LVRN: variants seen among roughly 807,000 people sequenced by gnomAD.
LVRN encodes the protein laeverin.
In LVRN, 99 loss-of-function variants were observed where a neutral mutation model predicts 111.4. The observed-to-expected ratio is 0.89, with a 90% CI of 0.76 to 1.05. The LOEUF (loss-of-function observed/expected upper bound fraction) is 1.05. Among genes scored for constraint, LVRN ranks in the 50% least tolerant of loss-of-function variants. LVRN has a pLI of 0.00. For synonymous variants in LVRN, 488 were observed against 449.5 expected (o/e 1.09, Z -1.08); for missense variants, 1,414 against 1,206.8 (o/e 1.17, Z -2.54).
chr5:116,015,246 T>C lies in LVRN; in HGVS notation c.2451-6T>C. 1.9e-6 allele frequency: 3 copies of C among 1,565,948 alleles called. No individual in the cohort carries two copies. The highest frequency in any genetic ancestry group is 2.6e-6 in the Non-Finnish European group (3 of 1,158,076). On this transcript the variant is annotated splice_polypyrimidine_tract_variant and splice_region_variant and intron_variant, in intron 16 of 19. Coordinates refer to ENST00000357872, the MANE Select transcript of LVRN (RefSeq NM_173800.5). Reference sequence around the variant, plus strand: ...GAAAAATATCATTTTATGTTATATTTTACAGAATACCTTATCCAATTAAAG... The same window carrying C: ...GAAAAATATCATTTTATGTTATATTCTACAGAATACCTTATCCAATTAAAG...
At position 116,014,777 on chromosome 5, in the gene LVRN, G is replaced by A. The variant is rs115409306; in HGVS notation, c.2450+250G>A. 2.0e-3 allele frequency among the ~76,000 whole-genome samples: 310 copies of A among 152,204 alleles called. 2 individuals are homozygous for A. Among genetic ancestry groups the A allele is most frequent in the African/African-American group, 7.3e-3 (302 of 41,550 alleles). ...CATTGCCAAAGCACTCTTCCAATAA[G>A]CACTTACTTTGAGCTGTCTATGCTT... On this transcript the variant is annotated intron_variant, in intron 16 of 19. Coordinates refer to ENST00000357872, the MANE Select transcript of LVRN (RefSeq NM_173800.5).
At chr5:116,018,027 A>G (rs895531552) in intron 18 of LVRN, among the ~76,000 whole-genome samples, 7 of 151,260 alleles carry the variant, frequency 4.6e-5, no homozygotes, top group African/African-American at 1.7e-4. Flanking sequence ...TTGGGAGGCC[A>G]AGGCAGGACG....
chr5:116,022,328 T>C lies in LVRN; in HGVS notation c.2757-63T>C, dbSNP rs1038950216. 5 of 1,185,750 alleles carry C rather than the reference T, an allele frequency of 4.2e-6. No homozygotes were observed. The African/African-American group carries it at 4.6e-5, about 11-fold the overall frequency. The allele number at this position is 1,185,750 out of a possible 1,614,324, so 73.5% of individuals were successfully genotyped here. ...ATACACTTGACCTTCATCTGCTATA[T>C]AAAATATAGCTTTATTTTGCAAAAT... On this transcript the variant is annotated intron_variant, in intron 18 of 19. Transcript: ENST00000357872.
chr5:115,988,071 C>G (rs1482844691), intron 4 of LVRN, 132 bp downstream of exon 4: 1 of 1,232,334 alleles, frequency 8.1e-7, no homozygotes, highest in Admixed American at 2.4e-5. Flanking sequence ...AGTTAGCCTC[C>G]TGACCTATGC....
chr5:116,015,815 C>CTGGAAGCTCAGCTTTAGTCTAGCT lies in LVRN; in HGVS notation c.2756+75_2756+98dup, dbSNP rs777150941. On this transcript the variant is annotated intron_variant, in intron 18 of 19. Coordinates refer to ENST00000357872, the MANE Select transcript of LVRN (RefSeq NM_173800.5). ...TTTCATTTAGGCCACTGGTTTGGCA[C>CTGGAAGCTCAGCTTTAGTCTAGCT]TGGAAGCTCAGCTTTAGTCTAGCTT... 1.1e-5 allele frequency: 17 copies of CTGGAAGCTCAGCTTTAGTCTAGCT among 1,598,440 alleles called. No homozygotes were observed. The South Asian group carries it at 1.1e-4, about 11-fold the overall frequency.
Position 116,005,940 on chromosome 5 carries a change from T to C in LVRN, c.2066T>C (p.Leu689Ser), listed in dbSNP as rs1172680782. ...ATTCCTGTTATTCACAGACTGCAGTTGATTGATGATGCCTTTTCCTTGTCT... is the reference window on the plus strand; with the variant it reads ...ATTCCTGTTATTCACAGACTGCAGTCGATTGATGATGCCTTTTCCTTGTCT... The part of the protein sequence containing the change: ...KAIPVIHRLQ[L>S]IDDAFSLSKN... The change falls in exon 13 of 20, where the codon TTG (leucine) becomes TCG (serine). Residue 689 changes from leucine to serine, a missense_variant. By Grantham distance (145) the Leu-to-Ser change is moderately radical (BLOSUM62 -2). Transcript: ENST00000357872. 2 of 1,597,870 alleles carry C rather than the reference T, an allele frequency of 1.3e-6. No homozygotes were observed. Among genetic ancestry groups the C allele is most frequent in the Non-Finnish European group, 1.7e-6 (2 of 1,165,366 alleles).
intron 4 of LVRN, 64 bp from the exon 5 acceptor site, chr5:115,992,058 TA>T (rs1212691750): frequency 4.1e-6 from 6 of 1,456,568 alleles, no homozygotes; most frequent in Non-Finnish European, 5.6e-6. Flanking sequence ...CATTTTGAGA[TA>T]TTTAAAAAAT....
Position 115,983,441 on chromosome 5 carries a change from T to A in LVRN, c.838+12T>A. On this transcript the variant is annotated intron_variant, in intron 2 of 19. Transcript: ENST00000357872. ...CATGCCAAAGCTAGGTAAGTAATGC[T>A]TTCTGTCTATATCTAGCTGTCTATC... The A allele has an allele frequency of 6.3e-7, 1 of 1,587,410 alleles. No individual in the cohort carries two copies. Among genetic ancestry groups the A allele is most frequent in the East Asian group, 2.2e-5 (1 of 44,776 alleles).
Position 115,962,596 on chromosome 5 carries a change from G to C in LVRN, c.-22G>C, listed in dbSNP as rs781664236. On this transcript the variant is annotated 5_prime_UTR_variant, in exon 1 of 20. Transcript: ENST00000357872. ...GCCACAGTCTCTGAGCTCCAGCCTC[G>C]CGCCTGAACCCGGTCCCTGCCATGG... is the stretch of plus-strand genomic sequence containing the variant. The C allele has an allele frequency of 6.3e-7, 1 of 1,580,448 alleles. No individual in the cohort carries two copies. Among genetic ancestry groups the C allele is most frequent in the South Asian group, 1.1e-5 (1 of 88,658 alleles).
At position 115,962,944 on chromosome 5, in the gene LVRN, G is replaced by A. The variant is rs776634734; in HGVS notation, c.327G>A (p.Leu109=). ...GGCTCGTGCCGCTGCACTACGATCT[G>A]GAGCTGTGGCCGCAGCTGAGGCCCG... ...PPWLVPLHYD[L]ELWPQLRPDE... is the part of the protein sequence containing the mutation. Residue 109 remains leucine, a synonymous_variant, in exon 1 of 20, where the codon CTG becomes CTA. Transcript: ENST00000357872. 1.5e-5 allele frequency: 24 copies of A among 1,612,980 alleles called. No individual in the cohort carries two copies. The highest frequency in any genetic ancestry group is 2.0e-5 in the Non-Finnish European group (24 of 1,179,830).
At chr5:116,023,401 C>G (rs1203561175) in intron 19 of LVRN, 5 of 152,174 alleles carry the variant, frequency 3.3e-5, no homozygotes. Context: ...ATATAATCCT[C>G]AGCACTCTCA....
chr5:115,983,533 AT>A, intron 2 of LVRN, 104 bp downstream of exon 2: 1 of 1,291,364 alleles, frequency 7.7e-7, no homozygotes, highest in Non-Finnish European at 1.0e-6. Flanking sequence ...GTGTATTATA[AT>A]TACAGTCTAC....
chr5:116,015,815 CTGGAAGCTCAGCTTTAGTCTAGCT>C (rs777150941), intron 18 of LVRN, 50 bp downstream of exon 18: 23 of 1,598,428 alleles, frequency 1.4e-5, no homozygotes, highest in African/African-American at 1.2e-4. Flanking sequence ...TGGTTTGGCA[CTGGAAGCTCAGCTTTAGTCTAGCT>C]TGGAAGCTCA....
intron 4 of LVRN, among the ~76,000 whole-genome samples, chr5:115,990,368 C>T (rs1747960537): frequency 6.6e-6 from 1 of 152,042 alleles, no homozygotes; most frequent in Admixed American, 6.5e-5. Context: ...TAATGATGAA[C>T]ATTTTAAATA....
Position 115,984,571 on chromosome 5 carries a change from T to C in LVRN, c.840T>C (p.Gly280=), listed in dbSNP as rs1747805356. Residue 280 remains glycine, a splice_region_variant and synonymous_variant, in exon 3 of 20, where the codon GGT becomes GGC. Coordinates refer to ENST00000357872, the MANE Select transcript of LVRN (RefSeq NM_173800.5). ...TTGAACTAAAATAAAATTCTCTAGG[T>C]CAGTCTGAAAAAGAAGATGTGAATG... ...YVALSNMPKL[G]QSEKEDVNGS... 1.2e-6 allele frequency: 2 copies of C among 1,613,010 alleles called. No homozygotes were observed. The highest frequency in any genetic ancestry group is 1.7e-6 in the Non-Finnish European group (2 of 1,179,528).
intron 15 of LVRN, among the ~76,000 whole-genome samples, chr5:116,013,647 G>A (rs1748536617): frequency 6.6e-6 from 1 of 152,086 alleles, no homozygotes; most frequent in African/African-American, 2.4e-5. Flanking sequence ...CTTATCAGAA[G>A]GTCAGGCCAG....
rs145183348 is a variant in LVRN, at chr5:116,004,362, G to C, written c.2037+982G>C. Among the ~76,000 whole-genome samples, 440 of 152,278 alleles carry C rather than the reference G, an allele frequency of 2.9e-3. 3 individuals carry two copies. Among genetic ancestry groups the C allele is most frequent in the Non-Finnish European group, 4.7e-3 (322 of 68,034 alleles). On this transcript the variant is annotated intron_variant, in intron 12 of 19. Coordinates refer to ENST00000357872, the MANE Select transcript of LVRN (RefSeq NM_173800.5). ...GCCAGCTTAGGAGTCAGTACAGTTG[G>C]CTCTGCTGTGACTTGCTGTGAGCCC... is the stretch of plus-strand genomic sequence containing the variant.
chr5:115,967,243 G>A (rs184164999), intron 1 of LVRN, among the ~76,000 whole-genome samples: 29 of 152,266 alleles, frequency 1.9e-4, no homozygotes, highest in Non-Finnish European at 2.9e-4. Context: ...CCTAGGTTCT[G>A]CAGATTTTCT....
intron 3 of LVRN, among the ~76,000 whole-genome samples, chr5:115,985,765 C>A (rs532201461): frequency 2.0e-5 from 3 of 152,328 alleles, no homozygotes; most frequent in South Asian, 4.1e-4. Flanking sequence ...TTATAATAAT[C>A]CTTTAGGAAA....
Sources: gnomAD v4.1 joint callset for allele counts (sites outside exome capture counted in the v4.1 genomes callset) on GRCh38, gnomAD v4.1.1 for gene constraint, MANE v1.5 for transcripts, NCBI Gene and HGNC (gene_info 2026-07-23, HGNC 2026-07-21) for gene names.